Variants in PHACTR1 observed in about 807,000 individuals in gnomAD.
PHACTR1 encodes the protein phosphatase and actin regulator 1.
PHACTR1 carries 16 observed loss-of-function variants against 69.2 expected under a neutral mutation model. The ratio of observed to expected loss-of-function variants is 0.23; its 90% confidence interval spans 0.16 to 0.35. PHACTR1 has a LOEUF of 0.35. Ranked by LOEUF, PHACTR1 falls within the 10% of genes least tolerant of loss-of-function variation. PHACTR1 has a pLI of 1.00. For missense variants in PHACTR1, 510 were observed against 734.7 expected (o/e 0.69, Z 3.54); for synonymous variants, 312 against 284.5 (o/e 1.10, Z -0.97).
In PHACTR1 at chr6:12,766,412, G is replaced by C. The variant is rs1768619035; in HGVS notation, c.250+16622G>C. Reference sequence around the variant, plus strand: ...TCCTACAGAACTCTGAGGTCCATAAGAAGAGAAAAACAAAGTGAAAAGGAA... The same window carrying C: ...TCCTACAGAACTCTGAGGTCCATAACAAGAGAAAAACAAAGTGAAAAGGAA... On this transcript the variant is annotated intron_variant, in intron 4 of 14. Transcript: ENST00000332995. Among the ~76,000 whole-genome samples the C allele has an allele frequency of 1.3e-5, 2 of 152,118 alleles. 1 individual carries two copies. Among genetic ancestry groups the C allele is most frequent in the Non-Finnish European group, 2.9e-5 (2 of 68,022 alleles).
intron 5 of PHACTR1, among the ~76,000 whole-genome samples, chr6:13,056,579 A>T (rs1022796360): frequency 6.6e-6 from 1 of 152,220 alleles, no homozygotes; most frequent in Non-Finnish European, 1.5e-5. Flanking sequence ...CTTGTTGAAG[A>T]TAAGGCAGTC....
At position 13,269,065 on chromosome 6, in the gene PHACTR1, C is replaced by G. The variant is rs576827918; in HGVS notation, c.1392-3795C>G. ...AATGAGATCAATGGGATGGCACCGTCAAAGCTGATGAGGGAACAATGTAGT... is the reference window on the plus strand; with the variant it reads ...AATGAGATCAATGGGATGGCACCGTGAAAGCTGATGAGGGAACAATGTAGT... On this transcript the variant is annotated intron_variant, in intron 10 of 14. Coordinates refer to ENST00000332995, the MANE Select transcript of PHACTR1 (RefSeq NM_030948.6). 3.9e-5 allele frequency among the ~76,000 whole-genome samples: 6 copies of G among 152,306 alleles called. No individual in the cohort carries two copies. The East Asian group carries it at 9.6e-4, about 24-fold the overall frequency.
At chr6:12,787,594 G>A (rs1022117435) in intron 4 of PHACTR1, among the ~76,000 whole-genome samples, 3 of 152,150 alleles carry the variant, frequency 2.0e-5, no homozygotes, top group African/African-American at 7.2e-5. Flanking sequence ...GGAGACTATG[G>A]GGGAAAGCTC....
At chr6:13,255,065 C>T (rs1295932287) in intron 10 of PHACTR1, among the ~76,000 whole-genome samples, 1 of 152,136 alleles carries the variant, frequency 6.6e-6, no homozygotes, top group African/African-American at 2.4e-5. Flanking sequence ...TCTAATTCTG[C>T]AGGTTGCGCA....
chr6:12,962,524 G>T (rs576649335), intron 4 of PHACTR1, among the ~76,000 whole-genome samples: 2 of 152,296 alleles, frequency 1.3e-5, no homozygotes, highest in African/African-American at 4.8e-5. Context: ...CCAAACTGCT[G>T]TGAGGAGACT....
At chr6:12,821,161 G>A (rs970748607) in intron 4 of PHACTR1, among the ~76,000 whole-genome samples, 5 of 152,034 alleles carry the variant, frequency 3.3e-5, no homozygotes, top group African/African-American at 1.2e-4. Flanking sequence ...AAGAAGAAGT[G>A]CATGAGAAGC....
chr6:12,890,059 C>G (rs1582313647), intron 4 of PHACTR1, among the ~76,000 whole-genome samples: 1 of 152,120 alleles, frequency 6.6e-6, no homozygotes. Flanking sequence ...AGGAGATGAG[C>G]GAGGGCTAGT....
chr6:12,896,930 A>G (rs1359821845), intron 4 of PHACTR1, among the ~76,000 whole-genome samples: 1 of 152,178 alleles, frequency 6.6e-6, no homozygotes, highest in Non-Finnish European at 1.5e-5. Flanking sequence ...TGGAAATTCT[A>G]TTGATCCCTT....
chr6:13,004,155 T>C (rs1798497562), intron 4 of PHACTR1, among the ~76,000 whole-genome samples: 1 of 151,778 alleles, frequency 6.6e-6, no homozygotes, highest in East Asian at 1.9e-4. Context: ...ATTGCTGGAT[T>C]GAATGGTAGA....
Position 12,959,820 on chromosome 6 carries a change from T to C in PHACTR1, c.251-93545T>C, listed in dbSNP as rs545733979. ...TCCACTCTAATTCTCTAAAATTTGC[T>C]CCTCTGCATAGATCATGGTGCCCAC... On this transcript the variant is annotated intron_variant, in intron 4 of 14. Transcript: ENST00000332995. 8.5e-5 allele frequency among the ~76,000 whole-genome samples: 13 copies of C among 152,366 alleles called. No individual in the cohort carries two copies. The South Asian group carries it at 2.7e-3, about 32-fold the overall frequency.
At position 12,952,910 on chromosome 6, in the gene PHACTR1, T is replaced by C. The variant is rs543411816; in HGVS notation, c.251-100455T>C. The stretch of plus-strand genomic sequence containing the variant: ...TTTTTTAAAGCACCAATAAACTGAA[T>C]TATGGTAGAAACTACTAGAGAGCCA... On this transcript the variant is annotated intron_variant, in intron 4 of 14. Coordinates refer to ENST00000332995, the MANE Select transcript of PHACTR1 (RefSeq NM_030948.6). Among the ~76,000 whole-genome samples, 3 of 152,312 alleles carry C rather than the reference T, an allele frequency of 2.0e-5. No homozygotes were observed. In the East Asian group the frequency reaches 5.8e-4, roughly 29 times the overall value.
At chr6:12,949,505 G>A (rs949205325) in intron 4 of PHACTR1, among the ~76,000 whole-genome samples, 1 of 152,134 alleles carries the variant, frequency 6.6e-6, no homozygotes, top group South Asian at 2.1e-4. Flanking sequence ...TTTGTTTGGG[G>A]AGCTTCCTGG....
intron 13 of PHACTR1, among the ~76,000 whole-genome samples, chr6:13,285,491 C>G (rs1394526525): frequency 6.6e-6 from 1 of 152,142 alleles, no homozygotes; most frequent in Non-Finnish European, 1.5e-5. Context: ...TTTACCAGCC[C>G]CTCCTCCTCC....
At chr6:12,976,550 G>A (rs1274276659) in intron 4 of PHACTR1, among the ~76,000 whole-genome samples, 1 of 152,128 alleles carries the variant, frequency 6.6e-6, no homozygotes, top group Middle Eastern at 3.2e-3. Context: ...CCACTTATCA[G>A]CAATTTTACT....
At chr6:12,717,941 G>A (rs1363257602) in intron 2 of PHACTR1, among the ~76,000 whole-genome samples, 198 bp downstream of exon 2, 1 of 152,058 alleles carries the variant, frequency 6.6e-6, no homozygotes, top group Non-Finnish European at 1.5e-5. Flanking sequence ...ATTCATTTGT[G>A]TGAGTATCAG....
intron 5 of PHACTR1, among the ~76,000 whole-genome samples, chr6:13,157,295 A>G (rs1351997511): frequency 1.3e-5 from 2 of 152,200 alleles, no homozygotes. Context: ...CAGGGACAAT[A>G]TTTACCATAT....
At chr6:12,906,128 T>A (rs1469214909) in intron 4 of PHACTR1, among the ~76,000 whole-genome samples, 1 of 152,204 alleles carries the variant, frequency 6.6e-6, no homozygotes, top group Non-Finnish European at 1.5e-5. Flanking sequence ...GAGTGTAAAA[T>A]GAAATCTCTG....
chr6:12,885,500 T>G (rs1347909377), intron 4 of PHACTR1, among the ~76,000 whole-genome samples: 1 of 152,242 alleles, frequency 6.6e-6, no homozygotes, highest in Non-Finnish European at 1.5e-5. Flanking sequence ...TTGGCTATTT[T>G]TTCCCCCTTT....
chr6:12,989,007 C>T (rs1178046424), intron 4 of PHACTR1, among the ~76,000 whole-genome samples: 2 of 152,212 alleles, frequency 1.3e-5, no homozygotes, highest in African/African-American at 2.4e-5. Flanking sequence ...TGTCTCACTC[C>T]GCCTGTTGCT....
Sources: allele counts gnomAD v4.1 joint callset (sites outside exome capture counted in the v4.1 genomes callset), GRCh38; gene constraint gnomAD v4.1.1; transcripts MANE v1.5; gene names NCBI Gene and HGNC (gene_info 2026-07-23, HGNC 2026-07-21).